MAGEB17: variants seen among roughly 807,000 people sequenced by gnomAD.
MAGEB17 encodes the protein melanoma-associated antigen B17.
For synonymous variants in MAGEB17, 110 were observed against 112.4 expected (o/e 0.98, Z 0.13); for missense variants, 251 against 281.4 (o/e 0.89, Z 0.77).
rs1205627504 is a variant in MAGEB17 at position 16,170,910 on chromosome X, T to C, written c.528T>C (p.Tyr176=). The change falls in exon 2 of 2, where the codon TAT becomes TAC. Residue 176 remains tyrosine, a synonymous_variant. Transcript: ENST00000400004. ...LKEMDPSRQS[Y]VLVGKLDFPN... ...AAATGGACCCCAGCCGTCAGTCCTA[T>C]GTGCTTGTTGGCAAGCTGGACTTTC... 1.7e-6 allele frequency: 2 copies of C among 1,167,454 alleles called. No homozygotes were observed. Among genetic ancestry groups the C allele is most frequent in the Admixed American group, 2.6e-5 (1 of 38,832 alleles).
rs1352518274 is a variant in MAGEB17, at chrX:16,167,543, G to C, written c.-290G>C. On this transcript the variant is annotated 5_prime_UTR_variant, in exon 1 of 2. Coordinates refer to ENST00000400004, the MANE Select transcript of MAGEB17 (RefSeq NM_001277307.2). ...AAAGCACAGTTCAGCTGAGGGAGGA[G>C]AACTGGACACTCATTGGAGTCCCGG... 4 of 111,601 alleles carry C rather than the reference G, an allele frequency of 3.6e-5. No homozygotes were observed. In the East Asian group the frequency reaches 1.1e-3, roughly 31 times the overall value. 9.2% of individuals were successfully genotyped at this position (111,601 alleles called of 1,213,427 possible).
At chrX:16,169,247 G>A (rs763300556) in intron 1 of MAGEB17, among the ~76,000 whole-genome samples, 4 of 111,975 alleles carry the variant, frequency 3.6e-5, no homozygotes, top group African/African-American at 1.3e-4. Flanking sequence ...ACCCAGGCAC[G>A]TTGGCATGGT....
Position 16,171,080 on chromosome X carries a change from G to A in MAGEB17, c.698G>A (p.Gly233Asp), listed in dbSNP as rs776581267. 40 of 1,188,364 alleles carry A rather than the reference G, an allele frequency of 3.4e-5. No homozygotes were observed. The highest frequency in any genetic ancestry group is 7.2e-5 in the Admixed American group (3 of 41,775). Reference sequence around the variant, plus strand: ...CTGAATGCATTGGGGATGTATAAGGGTAGGAAGCACTTCATCTATGGGGAG... The same window carrying A: ...CTGAATGCATTGGGGATGTATAAGGATAGGAAGCACTTCATCTATGGGGAG... ...ECLNALGMYK[G>D]RKHFIYGEPQ... is the part of the protein sequence containing the mutation. Residue 233 changes from glycine (G) to aspartate (D), a missense_variant, in exon 2 of 2, where the codon GGT (glycine) becomes GAT (aspartate). By Grantham distance (94) the Gly-to-Asp change is moderately conservative. Coordinates refer to ENST00000400004, the MANE Select transcript of MAGEB17 (RefSeq NM_001277307.2).
rs1469673357 is a variant in MAGEB17, at chrX:16,170,493, G to A, written c.111G>A (p.Lys37=). The A allele has an allele frequency of 1.7e-5, 20 of 1,165,613 alleles. No individual in the cohort carries two copies. In the East Asian group the frequency reaches 2.6e-4, roughly 15 times the overall value. The change falls in exon 2 of 2, where the codon AAG becomes AAA. Residue 37 remains lysine, a synonymous_variant. Transcript: ENST00000400004. Reference sequence around the variant, plus strand: ...AAGCCACCGCAGCAGAGAAGGAAAAGCTGCCATCCTCCTCCTCTCCTGCAT... The same window carrying A: ...AAGCCACCGCAGCAGAGAAGGAAAAACTGCCATCCTCCTCCTCTCCTGCAT... ...GAQATAAEKE[K]LPSSSSPACQ... is the part of the protein sequence containing the mutation.
At chrX:16,168,993 CCCTGGGAAA>C (rs1361992706) in intron 1 of MAGEB17, 2 of 111,957 alleles carry the variant, frequency 1.8e-5, no homozygotes, top group Non-Finnish European at 3.8e-5. Flanking sequence ...CTGCTGTGCG[CCCTGGGAAA>C]CCATGGGCAG....
In MAGEB17 at chrX:16,170,692, A is replaced by C. The variant is rs1923040319; in HGVS notation, c.310A>C (p.Thr104Pro). The C allele has an allele frequency of 1.7e-6, 2 of 1,167,322 alleles. No homozygotes were observed. The highest frequency in any genetic ancestry group is 1.8e-5 in the African/African-American group (1 of 56,381). Reference protein sequence around the residue: ...SFHGPSSSESTGRDLLNTKTG... With the variant: ...SFHGPSSSESPGRDLLNTKTG... Reference sequence around the variant, plus strand: ...CCATGGCCCGTCCTCCTCTGAGAGCACAGGAAGAGATCTTCTGAACACGAA... The same window carrying C: ...CCATGGCCCGTCCTCCTCTGAGAGCCCAGGAAGAGATCTTCTGAACACGAA... Residue 104 changes from threonine (T) to proline (P), a missense_variant, in exon 2 of 2, where the codon ACA (threonine) becomes CCA (proline). Transcript: ENST00000400004.
rs761818402 is a variant in MAGEB17 at position 16,170,071 on chromosome X, C to T, written c.-49-263C>T. ...TATGTCAGAGGTTTGAGGCCCCAGA[C>T]AGGGATGTCAAGCCCAGATGGCCTC... On this transcript the variant is annotated intron_variant, in intron 1 of 1. Coordinates refer to ENST00000400004, the MANE Select transcript of MAGEB17 (RefSeq NM_001277307.2). Among the ~76,000 whole-genome samples the T allele has an allele frequency of 2.7e-5, 3 of 112,079 alleles. No individual in the cohort carries two copies. In the East Asian group the frequency reaches 8.5e-4, roughly 32 times the overall value.
chrX:16,170,724 C>A lies in MAGEB17; in HGVS notation c.342C>A (p.Gly114=). Residue 114 remains glycine, a synonymous_variant, in exon 2 of 2, where the codon GGC becomes GGA. Transcript: ENST00000400004. ...GAGATCTTCTGAACACGAAGACGGG[C>A]GAATTGGTGCAGTTCCTCCTCAACA... ...TGRDLLNTKT[G]ELVQFLLNKY... 2 of 1,167,140 alleles carry A rather than the reference C, an allele frequency of 1.7e-6. No individual in the cohort carries two copies. The highest frequency in any genetic ancestry group is 2.3e-6 in the Non-Finnish European group (2 of 873,074).
In MAGEB17 at chrX:16,170,508, C is replaced by A. The variant is rs1187733778; in HGVS notation, c.126C>A (p.Ser42=). 1 of 1,167,442 alleles carries A rather than the reference C, an allele frequency of 8.6e-7. No individual in the cohort carries two copies. The highest frequency in any genetic ancestry group is 1.1e-6 in the Non-Finnish European group (1 of 873,077). The change falls in exon 2 of 2, where the codon TCC becomes TCA. Residue 42 remains serine (S), a synonymous_variant. Transcript: ENST00000400004. ...AAEKEKLPSS[S]SPACQSPPQS... is the part of the protein sequence containing the mutation. Reference sequence around the variant, plus strand: ...AGAAGGAAAAGCTGCCATCCTCCTCCTCTCCTGCATGCCAGAGTCCTCCCC... The same window carrying A: ...AGAAGGAAAAGCTGCCATCCTCCTCATCTCCTGCATGCCAGAGTCCTCCCC...
chrX:16,169,410 G>A (rs1923009956), intron 1 of MAGEB17, among the ~76,000 whole-genome samples: 1 of 112,106 alleles, frequency 8.9e-6, no homozygotes, highest in African/African-American at 3.2e-5. Flanking sequence ...TAACTGTGGG[G>A]CCAACACAGA....
At position 16,171,055 on chromosome X, in the gene MAGEB17, C is replaced by A; in HGVS notation, c.673C>A (p.Leu225Met). 1 of 1,174,700 alleles carries A rather than the reference C, an allele frequency of 8.5e-7. No homozygotes were observed. Residue 225 changes from leucine (L) to methionine (M), a missense_variant, in exon 2 of 2, where the codon CTG becomes ATG. Transcript: ENST00000400004. Reference protein sequence around the residue: ...RATEEEMWECLNALGMYKGRK... With the variant: ...RATEEEMWECMNALGMYKGRK... ...CACTGAGGAAGAGATGTGGGAATGCCTGAATGCATTGGGGATGTATAAGGG... is the reference window on the plus strand; with the variant it reads ...CACTGAGGAAGAGATGTGGGAATGCATGAATGCATTGGGGATGTATAAGGG...
intron 1 of MAGEB17, among the ~76,000 whole-genome samples, chrX:16,169,222 T>G (rs1045698925): frequency 1.8e-5 from 2 of 112,044 alleles, no homozygotes; most frequent in Admixed American, 9.4e-5. Flanking sequence ...CCACCCCTAC[T>G]GTCACCTCTG....
chrX:16,168,218 C>T (rs1009897702), intron 1 of MAGEB17, among the ~76,000 whole-genome samples: 2 of 111,290 alleles, frequency 1.8e-5, no homozygotes, highest in African/African-American at 3.3e-5. Flanking sequence ...TGGTGGCCGG[C>T]GCCTGTGGCC....
chrX:16,170,428 C>T lies in MAGEB17; in HGVS notation c.46C>T (p.Arg16Cys), dbSNP rs919000381. The change falls in exon 2 of 2, where the codon CGC becomes TGC. Residue 16 changes from arginine to cysteine, a missense_variant. Physicochemically the swap from Arg to Cys is radical, Grantham distance 180 (BLOSUM62 -3). Transcript: ENST00000400004. ...ASKRRAREKR[R>C]QARGEDQCLG... ...TAAGCGCCGTGCCCGTGAGAAACGCCGCCAGGCTCGAGGTGAAGACCAATG... is the reference window on the plus strand; with the variant it reads ...TAAGCGCCGTGCCCGTGAGAAACGCTGCCAGGCTCGAGGTGAAGACCAATG... The T allele has an allele frequency of 5.1e-6, 6 of 1,165,063 alleles. No individual in the cohort carries two copies. Among genetic ancestry groups the T allele is most frequent in the African/African-American group, 3.6e-5 (2 of 55,625 alleles).
chrX:16,170,541 C>T lies in MAGEB17; in HGVS notation c.159C>T (p.Phe53=), dbSNP rs1343649842. Reference sequence around the variant, plus strand: ...CATGCCAGAGTCCTCCCCAGAGCTTCCCCAATGCAGGCATTCCTCAGGAGT... The same window carrying T: ...CATGCCAGAGTCCTCCCCAGAGCTTTCCCAATGCAGGCATTCCTCAGGAGT... The part of the protein sequence containing the change: ...SPACQSPPQS[F]PNAGIPQESQ... The change falls in exon 2 of 2, where the codon TTC becomes TTT. Residue 53 remains phenylalanine, a synonymous_variant. Coordinates refer to ENST00000400004, the MANE Select transcript of MAGEB17 (RefSeq NM_001277307.2). 8.6e-7 allele frequency: 1 copy of T among 1,167,404 alleles called. No individual in the cohort carries two copies. The highest frequency in any genetic ancestry group is 1.8e-5 in the African/African-American group (1 of 56,384).
In MAGEB17 at chrX:16,171,423, T is replaced by G. The variant is rs1250739262; in HGVS notation, c.*30T>G. On this transcript the variant is annotated 3_prime_UTR_variant, in exon 2 of 2. Transcript: ENST00000400004. ...GTCTCAGGCAATCCTCACTAAGAGA[T>G]TGAAAAGCCTGTCCACCATCTCAGT... The G allele has an allele frequency of 2.1e-5, 23 of 1,073,000 alleles. No homozygotes were observed. Among genetic ancestry groups the G allele is most frequent in the Non-Finnish European group, 2.7e-5 (22 of 829,024 alleles). The allele number at this position is 1,073,000 out of a possible 1,213,427, so 88.4% of individuals were successfully genotyped here.
rs1569131704 is a variant in MAGEB17, at chrX:16,170,499, ATCC to A, written c.126_128del (p.Ser43del). The A allele has an allele frequency of 5.1e-6, 6 of 1,166,689 alleles. No individual in the cohort carries two copies. The highest frequency in any genetic ancestry group is 1.8e-5 in the African/African-American group (1 of 56,178). ...CCGCAGCAGAGAAGGAAAAGCTGCC[ATCC>A]TCCTCCTCTCCTGCATGCCAGAGTC... On this transcript the variant is annotated inframe_deletion, in exon 2 of 2. Coordinates refer to ENST00000400004, the MANE Select transcript of MAGEB17 (RefSeq NM_001277307.2).
rs754398055 is a variant in MAGEB17 at position 16,171,166 on chromosome X, C to G, written c.784C>G (p.Pro262Ala). The part of the protein sequence containing the change: ...REGYLEYQQV[P>A]SSDPPRYEFL... ...GGGGTACCTGGAGTACCAGCAGGTG[C>G]CCAGCAGCGATCCTCCACGCTACGA... is the stretch of plus-strand genomic sequence containing the variant. Residue 262 changes from proline (P) to alanine (A), a missense_variant, in exon 2 of 2, where the codon CCC (proline) becomes GCC (alanine). Pro to Ala is a conservative substitution (Grantham distance 27). Transcript: ENST00000400004. The G allele has an allele frequency of 1.2e-5, 14 of 1,209,001 alleles. No homozygotes were observed. Among genetic ancestry groups the G allele is most frequent in the Non-Finnish European group, 1.3e-5 (12 of 894,710 alleles).
rs915749666 is a variant in MAGEB17, at chrX:16,167,712, C to A, written c.-121C>A. On this transcript the variant is annotated 5_prime_UTR_variant, in exon 1 of 2. Transcript: ENST00000400004. ...GACATCCGCCCGCCTGGGAAGCTGC[C>A]GGAAGTGAGGATCTTCGTCTGAGGG... is the stretch of plus-strand genomic sequence containing the variant. 8.9e-6 allele frequency: 1 copy of A among 112,055 alleles called. No homozygotes were observed. Among genetic ancestry groups the A allele is most frequent in the Non-Finnish European group, 1.9e-5 (1 of 53,129 alleles). 9.2% of individuals were successfully genotyped at this position (112,055 alleles called of 1,213,427 possible).
Sources: allele counts gnomAD v4.1 joint callset (sites outside exome capture counted in the v4.1 genomes callset), GRCh38; gene constraint gnomAD v4.1.1; transcripts MANE v1.5; gene names NCBI Gene and HGNC (gene_info 2026-07-23, HGNC 2026-07-21).